Variants in SHANK2 observed in about 807,000 individuals in gnomAD.
SHANK2 encodes SH3 and multiple ankyrin repeat domains 2.
SHANK2 carries 43 observed loss-of-function variants against 133.7 expected under a neutral mutation model. That is an observed-to-expected ratio of 0.32 (90% CI 0.25 to 0.41). SHANK2 has a LOEUF of 0.41. SHANK2 is among the 10% of genes least tolerant of loss of function. SHANK2 has a pLI of 1.00. For synonymous variants in SHANK2, 1,017 were observed against 952.8 expected (o/e 1.07, Z -1.24); for missense variants, 1,994 against 2,235.8 (o/e 0.89, Z 2.18).
rs550915905 is a variant in SHANK2, at chr11:70,517,961, G to C, written c.2062-15030C>G. On this transcript the variant is annotated intron_variant, in intron 17 of 25. Coordinates refer to ENST00000601538, the MANE Select transcript of SHANK2 (RefSeq NM_012309.5). ...ATAGGGAAAACAGGGAGAGATATAA[G>C]GGGGTATGTGGCAAGTCGGTACTTT... 2.0e-5 allele frequency among the ~76,000 whole-genome samples: 3 copies of C among 152,318 alleles called. No individual in the cohort carries two copies. In the South Asian group the frequency reaches 6.2e-4, roughly 32 times the overall value.
At chr11:70,841,118 A>T (rs544855993) in intron 11 of SHANK2, among the ~76,000 whole-genome samples, 4 of 152,222 alleles carry the variant, frequency 2.6e-5, no homozygotes, top group Admixed American at 2.6e-4. Context: ...CAAAAAAAAC[A>T]AAATTAGCCA....
intron 14 of SHANK2, among the ~76,000 whole-genome samples, chr11:70,784,839 C>T (rs1400323425): frequency 6.6e-6 from 1 of 152,190 alleles, no homozygotes; most frequent in East Asian, 1.9e-4. Flanking sequence ...AGGGCCCACG[C>T]TCCAACCGCC....
rs925590852 is a variant in SHANK2 at position 71,234,547 on chromosome 11, C to T, written c.-112-9751G>A. On this transcript the variant is annotated intron_variant, in intron 1 of 25. Transcript: ENST00000601538. ...CCCCCCGCCCCAGACTGGTCCTCCA[C>T]GTGCTGGACTCCGAGTCGGGGGGCC... 4.6e-5 allele frequency among the ~76,000 whole-genome samples: 7 copies of T among 152,092 alleles called. No homozygotes were observed. The East Asian group carries it at 5.8e-4, about 13-fold the overall frequency.
chr11:70,949,429 T>A (rs1950801475), intron 10 of SHANK2, among the ~76,000 whole-genome samples: 1 of 152,226 alleles, frequency 6.6e-6, no homozygotes, highest in Non-Finnish European at 1.5e-5. Flanking sequence ...CCGCCCGTCA[T>A]GTGGGGAGAC....
intron 21 of SHANK2, chr11:70,495,797 CG>C (rs2058962072): frequency 1.0e-5 from 2 of 198,348 alleles, no homozygotes; most frequent in Non-Finnish European, 1.1e-5. Context: ...AAACATCCCA[CG>C]GGGGCATTCC....
At chr11:70,897,782 T>C (rs1325263641) in intron 10 of SHANK2, among the ~76,000 whole-genome samples, 1 of 152,166 alleles carries the variant, frequency 6.6e-6, no homozygotes, top group Admixed American at 6.5e-5. Flanking sequence ...GGACCTTTCC[T>C]TTAGGTCATA....
chr11:71,136,866 C>A (rs375353837), intron 3 of SHANK2, among the ~76,000 whole-genome samples: 70 of 152,266 alleles, frequency 4.6e-4, no homozygotes, highest in African/African-American at 1.6e-3. Context: ...AAATGGTATT[C>A]TTTTTTATTT....
intron 2 of SHANK2, among the ~76,000 whole-genome samples, chr11:71,198,436 T>G (rs1953952623): frequency 6.6e-6 from 1 of 152,168 alleles, no homozygotes; most frequent in Admixed American, 6.5e-5. Flanking sequence ...TCATGCCATA[T>G]GAGGAGAGGT....
At chr11:71,125,349 G>A (rs1362515118) in intron 3 of SHANK2, among the ~76,000 whole-genome samples, 1 of 152,228 alleles carries the variant, frequency 6.6e-6, no homozygotes, top group African/African-American at 2.4e-5. Flanking sequence ...CAAACAAAAT[G>A]TTCCTGAAGG....
rs190290697 is a variant in SHANK2, at chr11:70,582,746, T to C, written c.2061+77082A>G. 4.8e-4 allele frequency among the ~76,000 whole-genome samples: 73 copies of C among 152,270 alleles called. 1 individual carries two copies. Among genetic ancestry groups the C allele is most frequent in the Non-Finnish European group, 8.8e-5 (6 of 68,024 alleles). On this transcript the variant is annotated intron_variant, in intron 17 of 25. Coordinates refer to ENST00000601538, the MANE Select transcript of SHANK2 (RefSeq NM_012309.5). ...CACAGCGTGTCACAGGCAGCATCTG[T>C]GTGTGCTATGGTGGTGTTCTAGAAG... is the stretch of plus-strand genomic sequence containing the variant.
At chr11:70,920,255 G>A (rs1265708016) in intron 10 of SHANK2, among the ~76,000 whole-genome samples, 2 of 152,130 alleles carry the variant, frequency 1.3e-5, no homozygotes, top group Non-Finnish European at 2.9e-5. Context: ...TATTATGTAT[G>A]TATGCATGTA....
At chr11:70,489,820 A>C in intron 23 of SHANK2, 1 of 185,494 alleles carries the variant, frequency 5.4e-6, no homozygotes, top group Non-Finnish European at 9.2e-6. Context: ...ACAGTACATT[A>C]TTTCATTTCG....
In SHANK2 at chr11:70,745,278, T is replaced by C. The variant is rs1946614330; in HGVS notation, c.1778-46515A>G. 2.6e-5 allele frequency among the ~76,000 whole-genome samples: 4 copies of C among 152,350 alleles called. No individual in the cohort carries two copies. In the South Asian group the frequency reaches 8.3e-4, roughly 32 times the overall value. On this transcript the variant is annotated intron_variant, in intron 14 of 25. Transcript: ENST00000601538. ...TCTGCCTCATGTAAGTAGCAGGGCC[T>C]GGCTGTTGCCACAGCAAGCTCGTGA...
chr11:70,814,087 G>A (rs1314587761), intron 12 of SHANK2, among the ~76,000 whole-genome samples: 1 of 152,164 alleles, frequency 6.6e-6, no homozygotes, highest in Non-Finnish European at 1.5e-5. Flanking sequence ...ACTTTGGCAG[G>A]CTGAGGCAGC....
At chr11:70,914,493 G>C (rs560706185) in intron 10 of SHANK2, among the ~76,000 whole-genome samples, 3 of 151,570 alleles carry the variant, frequency 2.0e-5, no homozygotes, top group Non-Finnish European at 4.4e-5. Flanking sequence ...AAAACACAAC[G>C]CCCTTGCAAA....
At chr11:70,651,237 T>A (rs921639640) in intron 17 of SHANK2, among the ~76,000 whole-genome samples, 1 of 152,210 alleles carries the variant, frequency 6.6e-6, no homozygotes, top group African/African-American at 2.4e-5. Context: ...TGAATCTTTT[T>A]ATAGCCTGAA....
intron 9 of SHANK2, among the ~76,000 whole-genome samples, chr11:71,060,889 A>G (rs1950979227): frequency 6.6e-6 from 1 of 152,232 alleles, no homozygotes; most frequent in African/African-American, 2.4e-5. Context: ...GAAAAAGCAC[A>G]AATGTGGATT....
At position 70,468,024 on chromosome 11, in the gene SHANK2, ATAAC is replaced by A. The variant is rs1334743356; in HGVS notation, c.*4841_*4844del. 5.9e-5 allele frequency: 9 copies of A among 152,686 alleles called. No homozygotes were observed. Among genetic ancestry groups the A allele is most frequent in the African/African-American group, 1.7e-4 (7 of 41,466 alleles). 9.5% of individuals were successfully genotyped at this position (152,686 alleles called of 1,614,324 possible). ...TTCTCAGTTCAGAAAACAAGGCACTATAACTATTTTATCAGCTACATTAATACAT... is the reference window on the plus strand; with the variant it reads ...TTCTCAGTTCAGAAAACAAGGCACTATATTTTATCAGCTACATTAATACAT... On this transcript the variant is annotated 3_prime_UTR_variant, in exon 26 of 26. Coordinates refer to ENST00000601538, the MANE Select transcript of SHANK2 (RefSeq NM_012309.5).
intron 17 of SHANK2, among the ~76,000 whole-genome samples, chr11:70,626,319 A>G (rs1025311087): frequency 4.6e-5 from 7 of 152,216 alleles, no homozygotes; most frequent in Non-Finnish European, 8.8e-5. Flanking sequence ...AAACAAACAT[A>G]TCACCCACAA....
Sources: gnomAD v4.1 joint callset for allele counts (sites outside exome capture counted in the v4.1 genomes callset) on GRCh38, gnomAD v4.1.1 for gene constraint, MANE v1.5 for transcripts, NCBI Gene and HGNC (gene_info 2026-07-23, HGNC 2026-07-21) for gene names.